The following FBXL2 variants were observed in gnomAD, a reference collection of about 807,000 sequenced individuals.
FBXL2 encodes the protein F-box and leucine rich repeat protein 2.
Under a neutral mutation model 69.2 loss-of-function variants are expected in FBXL2, and 38 were observed. The observed-to-expected ratio is 0.55, with a 90% CI of 0.42 to 0.72. FBXL2 has a LOEUF of 0.72. Ranked by LOEUF, FBXL2 falls within the 30% of genes least tolerant of loss-of-function variation. The pLI is 0.00. For missense variants in FBXL2, 354 were observed against 520.3 expected (o/e 0.68, Z 3.11); for synonymous variants, 192 against 201.3 (o/e 0.95, Z 0.39).
chr3:33,327,288 A>C (rs1006202629), intron 2 of FBXL2, among the ~76,000 whole-genome samples: 3 of 152,156 alleles, frequency 2.0e-5, no homozygotes, highest in Non-Finnish European at 4.4e-5. Flanking sequence ...GCTGGGAAGA[A>C]CATGAAACTT....
intron 2 of FBXL2, among the ~76,000 whole-genome samples, chr3:33,315,917 C>A (rs2037646255): frequency 6.6e-6 from 1 of 151,988 alleles, no homozygotes; most frequent in South Asian, 2.1e-4. Flanking sequence ...TTTGGAATTT[C>A]ATAAAGTTTC....
chr3:33,332,342 T>A (rs2039229356), intron 2 of FBXL2, among the ~76,000 whole-genome samples: 1 of 152,320 alleles, frequency 6.6e-6, no homozygotes, highest in Admixed American at 6.5e-5. Context: ...TTTTCCATAA[T>A]GGTACAGCCA....
In FBXL2 at chr3:33,386,238, C is replaced by G. The variant is rs1047504907; in HGVS notation, c.*630C>G. Reference sequence around the variant, plus strand: ...AGGGTCTTCACCTTTTTGTTTCTGTCAACTTGTCATATACACCTCCAGGGA... The same window carrying G: ...AGGGTCTTCACCTTTTTGTTTCTGTGAACTTGTCATATACACCTCCAGGGA... On this transcript the variant is annotated 3_prime_UTR_variant, in exon 15 of 15. Coordinates refer to ENST00000484457, the MANE Select transcript of FBXL2 (RefSeq NM_012157.5). 6.5e-6 allele frequency: 1 copy of G among 154,042 alleles called. No homozygotes were observed. The highest frequency in any genetic ancestry group is 1.4e-5 in the Non-Finnish European group (1 of 69,090). 9.5% of individuals were successfully genotyped at this position (154,042 alleles called of 1,614,324 possible).
intron 10 of FBXL2, 87 bp from the exon 11 acceptor site, chr3:33,377,184 GAA>G: frequency 1.6e-6 from 2 of 1,278,800 alleles, no homozygotes; most frequent in Non-Finnish European, 2.3e-6. Flanking sequence ...TCAAAGAGCA[GAA>G]AAGACTCAAG....
downstream of FBXL2, among the ~76,000 whole-genome samples, chr3:33,406,376 T>TCA (rs2044428125): frequency 6.6e-6 from 1 of 152,238 alleles, no homozygotes; most frequent in Non-Finnish European, 1.5e-5. Flanking sequence ...ATCATGGGTA[T>TCA]CACACACTGT....
chr3:33,373,431 G>A (rs2291898), intron 7 of FBXL2, 76 bp downstream of exon 7: 503,323 of 1,509,590 alleles, frequency 0.33, 94,093 homozygotes, highest in African/African-American at 0.64. Context: ...TAATGGTCAC[G>A]TTGGATCCAG....
At chr3:33,378,241 C>A in intron 12 of FBXL2, 94 bp downstream of exon 12, 1 of 1,267,708 alleles carries the variant, frequency 7.9e-7, no homozygotes, top group Non-Finnish European at 1.1e-6. Context: ...CGCTATCATC[C>A]TGACCCTCCT....
In FBXL2 at chr3:33,388,084, AAAAG is replaced by A. The variant is rs1175627503; in HGVS notation, c.*2480_*2483del. The A allele has an allele frequency of 4.0e-5, 6 of 150,434 alleles. No individual in the cohort carries two copies. The highest frequency in any genetic ancestry group is 1.5e-4 in the African/African-American group (6 of 40,688). 9.3% of individuals were successfully genotyped at this position (150,434 alleles called of 1,614,324 possible). ...GACTCCGTCTCAAAAAAAAAAAAAAAAAAGAAAATCAGGTTTGCTTCCTTTTAAA... is the reference window on the plus strand; with the variant it reads ...GACTCCGTCTCAAAAAAAAAAAAAAAAAAATCAGGTTTGCTTCCTTTTAAA... On this transcript the variant is annotated 3_prime_UTR_variant, in exon 15 of 15. Coordinates refer to ENST00000484457, the MANE Select transcript of FBXL2 (RefSeq NM_012157.5).
chr3:33,357,428 G>T (rs1241789682), intron 2 of FBXL2, among the ~76,000 whole-genome samples: 1 of 152,048 alleles, frequency 6.6e-6, no homozygotes, highest in Admixed American at 6.6e-5. Flanking sequence ...CTTTGTGTTG[G>T]GCAAGGTAGA....
chr3:33,345,299 T>A (rs1296922344), intron 2 of FBXL2, among the ~76,000 whole-genome samples: 1 of 152,156 alleles, frequency 6.6e-6, no homozygotes, highest in Non-Finnish European at 1.5e-5. Flanking sequence ...TTAATTACGT[T>A]TGCACAACCC....
intron 5 of FBXL2, among the ~76,000 whole-genome samples, chr3:33,371,471 G>A (rs547799256): frequency 1.4e-4 from 21 of 151,328 alleles, no homozygotes; most frequent in Admixed American, 4.0e-4. Context: ...GCATCTGGCC[G>A]GTTTTCATAT....
intron 10 of FBXL2, among the ~76,000 whole-genome samples, chr3:33,375,640 C>T (rs576938736): frequency 2.6e-5 from 4 of 152,078 alleles, no homozygotes; most frequent in Non-Finnish European, 5.9e-5. Context: ...TGAATCCAAA[C>T]TTTAATTTCT....
At chr3:33,413,546 CA>C in the FBXL2 span, among the ~76,000 whole-genome samples, 7,561 of 55,376 alleles carry the variant, frequency 0.14, 106 homozygotes, top group Non-Finnish European at 0.19. Context: ...GACTCCATCA[CA>C]AAAAAAAAAA....
At position 33,378,933 on chromosome 3, in the gene FBXL2, T is replaced by C. The variant is rs1429931137; in HGVS notation, c.951+192T>C. On this transcript the variant is annotated intron_variant, in intron 13 of 14. Transcript: ENST00000484457. ...ACTGCTTTCATTGAATTTGCAATTT[T>C]AAGATTCCCAAAAGAGAAATGTCCA... 12 of 1,099,734 alleles carry C rather than the reference T, an allele frequency of 1.1e-5. No individual in the cohort carries two copies. The East Asian group carries it at 3.2e-4, about 29-fold the overall frequency. 68.1% of individuals were successfully genotyped at this position (1,099,734 alleles called of 1,614,324 possible). A position where few individuals can be genotyped will look rare whatever the true frequency, so the allele number is the denominator to read the frequency against.
chr3:33,315,315 T>A (rs552556096), intron 2 of FBXL2, among the ~76,000 whole-genome samples: 1 of 151,716 alleles, frequency 6.6e-6, no homozygotes, highest in South Asian at 2.1e-4. Context: ...TCTCTTTCTC[T>A]CTCTCTTACT....
chr3:33,346,640 A>C (rs770611118), intron 2 of FBXL2, among the ~76,000 whole-genome samples: 1 of 140,500 alleles, frequency 7.1e-6, no homozygotes, highest in Non-Finnish European at 1.5e-5. Flanking sequence ...ACAATGGAGA[A>C]AATAAGTGAA....
chr3:33,422,122 CTTTG>C, the FBXL2 span, among the ~76,000 whole-genome samples: 416 of 152,260 alleles, frequency 2.7e-3, 2 homozygotes, highest in South Asian at 0.018. Context: ...TAGTCTGGAT[CTTTG>C]TTTGTCTTAT....
chr3:33,349,702 A>T (rs1046861943), intron 2 of FBXL2, among the ~76,000 whole-genome samples: 1 of 152,148 alleles, frequency 6.6e-6, no homozygotes, highest in African/African-American at 2.4e-5. Flanking sequence ...TGTTTGGCAG[A>T]ATTCAGCAGT....
chr3:33,307,750 T>G (rs2036847824), intron 2 of FBXL2, among the ~76,000 whole-genome samples: 1 of 152,084 alleles, frequency 6.6e-6, no homozygotes, highest in Non-Finnish European at 1.5e-5. Context: ...CAGTATAATT[T>G]AGCTTTGGCA....
Sources: gnomAD v4.1 joint callset for allele counts (sites outside exome capture counted in the v4.1 genomes callset) on GRCh38, gnomAD v4.1.1 for gene constraint, MANE v1.5 for transcripts, NCBI Gene and HGNC (gene_info 2026-07-23, HGNC 2026-07-21) for gene names.